PHKA2: variants seen among roughly 807,000 people sequenced by gnomAD.
PHKA2 encodes phosphorylase b kinase regulatory subunit alpha, liver isoform.
PHKA2 carries 31 observed loss-of-function variants against 102.0 expected under a neutral mutation model. The ratio of observed to expected loss-of-function variants is 0.30; its 90% CI spans 0.23 to 0.41. The LOEUF (loss-of-function observed/expected upper bound fraction) is 0.41. Among genes scored for constraint, PHKA2 ranks in the 10% least tolerant of loss-of-function variants. The pLI, the probability that PHKA2 is intolerant of heterozygous loss-of-function variation, is 1.00. For synonymous variants in PHKA2, 455 were observed against 416.2 expected, an observed-to-expected ratio of 1.09 and a Z score of -1.13; for missense variants, 858 against 1,023.1, an observed-to-expected ratio of 0.84 and a Z score of 2.20.
rs2048317673 is a variant in PHKA2, at chrX:18,931,703, T to C, written c.1183A>G (p.Met395Val). 1.7e-6 allele frequency: 2 copies of C among 1,204,317 alleles called. No homozygotes were observed. The highest frequency in any genetic ancestry group is 2.2e-5 in the Admixed American group (1 of 46,021). ...KNPHTVDRVP[M>V]GKVPHLWGQS... ...CCCCACAGATGAGGCACCTTCCCCA[T>C]AGGAACTCGGTCTACTGTGTGAGGA... Residue 395 changes from methionine to valine, a missense_variant, in exon 12 of 33, where the codon ATG (methionine) becomes GTG (valine). By Grantham distance (21) the Met-to-Val change is conservative. Around this residue, in one of 2 missense-constraint regions of PHKA2, gnomAD observed 671 missense variants for 745.2 expected, o/e 0.90. Coordinates refer to ENST00000379942, the MANE Select transcript of PHKA2 (RefSeq NM_000292.3).
Position 18,895,125 on chromosome X carries a change from T to G in PHKA2, c.3336+13A>C, listed in dbSNP as rs1175411904. ...CCACAGAGGGGCCCGCCTCTGCGTT[T>G]TTCTCATCGTACCTCTCGGGTCGTC... On this transcript the variant is annotated intron_variant, in intron 31 of 32. Transcript: ENST00000379942. The G allele has an allele frequency of 8.3e-7, 1 of 1,207,564 alleles. No homozygotes were observed. Among genetic ancestry groups the G allele is most frequent in the Non-Finnish European group, 1.1e-6 (1 of 892,753 alleles).
chrX:18,894,547 G>A lies in PHKA2; in HGVS notation c.3337-143C>T, dbSNP rs375933488. ...GCTGCCCCTTTTCTGGCCACTCCCTGGATCCTGCTGGCAGTGGCCCTCAGA... is the reference window on the plus strand; with the variant it reads ...GCTGCCCCTTTTCTGGCCACTCCCTAGATCCTGCTGGCAGTGGCCCTCAGA... On this transcript the variant is annotated intron_variant, in intron 31 of 32. Coordinates refer to ENST00000379942, the MANE Select transcript of PHKA2 (RefSeq NM_000292.3). 3.4e-5 allele frequency: 18 copies of A among 537,184 alleles called. No homozygotes were observed. In the South Asian group the frequency reaches 3.4e-4, roughly 10 times the overall value. The allele number at this position is 537,184 out of a possible 1,213,427, so 44.3% of individuals were successfully genotyped here.
At chrX:18,919,954 G>T in intron 18 of PHKA2, 78 bp downstream of exon 18, 1 of 783,529 alleles carries the variant, frequency 1.3e-6, no homozygotes, top group Non-Finnish European at 1.9e-6. Flanking sequence ...CTATATTTGA[G>T]TCTTAGGGCA....
chrX:18,897,493 A>G, intron 29 of PHKA2, 160 bp from the exon 30 acceptor site: 1 of 477,363 alleles, frequency 2.1e-6, no homozygotes, highest in Non-Finnish European at 3.5e-6. Flanking sequence ...CTGTTTCCTC[A>G]TGTGAGATGA....
chrX:18,911,045 A>T, intron 19 of PHKA2, 85 bp from the exon 20 acceptor site: 1 of 592,097 alleles, frequency 1.7e-6, no homozygotes, highest in Non-Finnish European at 2.7e-6. Context: ...TCACTCTGTC[A>T]CCCAGGCTGG....
In PHKA2 at chrX:18,905,777, C is replaced by G. The variant is rs781054504; in HGVS notation, c.2889G>C (p.Glu963Asp). 6 of 1,204,117 alleles carry G rather than the reference C, an allele frequency of 5.0e-6. No homozygotes were observed. The highest frequency in any genetic ancestry group is 6.8e-6 in the Non-Finnish European group (6 of 888,258). The part of the protein sequence containing the change: ...NLLHHILSGK[E>D]FGVERSVRPI... ...ACTTACCACTTCTTTCAACGCCAAACTCTTTCCCACTTAGAATATGGTGCA... is the reference window on the plus strand; with the variant it reads ...ACTTACCACTTCTTTCAACGCCAAAGTCTTTCCCACTTAGAATATGGTGCA... Residue 963 changes from glutamate (E) to aspartate (D), a missense_variant, in exon 26 of 33, where the codon GAG becomes GAC. This residue lies in a region of PHKA2 where 671 missense variants were observed against 745.2 expected (regional missense o/e 0.90). Transcript: ENST00000379942.
intron 29 of PHKA2, 176 bp from the exon 30 acceptor site, chrX:18,897,509 A>ATACTT (rs1274887982): frequency 8.6e-6 from 4 of 463,200 alleles, no homozygotes; most frequent in Non-Finnish European, 1.5e-5. Flanking sequence ...GATGACTCGC[A>ATACTT]TACTTTGGGT....
At chrX:18,915,044 GAAT>G (rs1486733094) in intron 19 of PHKA2, among the ~76,000 whole-genome samples, 1 of 112,132 alleles carries the variant, frequency 8.9e-6, no homozygotes, top group East Asian at 2.8e-4. Context: ...AATATTCTTA[GAAT>G]AATAACAAAT....
chrX:18,899,069 C>T (rs1480153919), intron 29 of PHKA2, 104 bp downstream of exon 29: 6 of 715,843 alleles, frequency 8.4e-6, no homozygotes, highest in East Asian at 3.2e-5. Flanking sequence ...GCTGAAAACA[C>T]TTCAGCCCTG....
intron 1 of PHKA2, among the ~76,000 whole-genome samples, chrX:18,958,721 C>G (rs1312383696): frequency 9.2e-6 from 1 of 108,914 alleles, no homozygotes; most frequent in African/African-American, 3.3e-5. Context: ...TGTGTGTGTG[C>G]GTGTGTGTGA....
chrX:18,910,171 G>GT (rs2047899121), intron 20 of PHKA2, among the ~76,000 whole-genome samples: 2 of 112,263 alleles, frequency 1.8e-5, no homozygotes, highest in South Asian at 3.7e-4. Flanking sequence ...ATCTTTTACT[G>GT]TTTTTTCTTA....
chrX:18,954,187 C>T, intron 2 of PHKA2, 67 bp downstream of exon 2: 2 of 1,100,485 alleles, frequency 1.8e-6, no homozygotes, highest in Admixed American at 4.4e-5. Context: ...AGCTACTTCT[C>T]TGTGGGTTTT....
chrX:18,944,789 C>T (rs769252139), intron 6 of PHKA2, among the ~76,000 whole-genome samples: 6 of 112,052 alleles, frequency 5.4e-5, no homozygotes, highest in Admixed American at 9.5e-5. Context: ...GGACATCACA[C>T]GTGCAGCTTC....
chrX:18,980,296 C>T (rs2049152415), intron 1 of PHKA2, among the ~76,000 whole-genome samples: 1 of 112,571 alleles, frequency 8.9e-6, no homozygotes, highest in African/African-American at 3.2e-5. Flanking sequence ...AGCCCAACAC[C>T]CGTGAAGGGT....
intron 20 of PHKA2, 78 bp from the exon 21 acceptor site, chrX:18,909,012 T>A: frequency 8.6e-7 from 1 of 1,164,813 alleles, no homozygotes; most frequent in South Asian, 1.8e-5. Context: ...GAAACACCAA[T>A]CTGGTCTTGG....
chrX:18,983,534 C>T (rs1441097264), intron 1 of PHKA2, among the ~76,000 whole-genome samples: 5 of 112,023 alleles, frequency 4.5e-5, no homozygotes, highest in Admixed American at 9.4e-5. Flanking sequence ...GTCCAAACCC[C>T]CCACACCTCT....
chrX:18,920,487 G>GT (rs1456180375), intron 17 of PHKA2, among the ~76,000 whole-genome samples: 1 of 112,273 alleles, frequency 8.9e-6, no homozygotes, highest in Non-Finnish European at 1.9e-5. Flanking sequence ...CCAACCAACA[G>GT]TTTGACAAAA....
At chrX:18,963,827 C>T (rs1162667119) in intron 1 of PHKA2, among the ~76,000 whole-genome samples, 1 of 111,842 alleles carries the variant, frequency 8.9e-6, no homozygotes, top group African/African-American at 3.3e-5. Context: ...TGAATGTTGT[C>T]ATCTACCCAC....
chrX:18,894,181 A>C, intron 32 of PHKA2, 23 bp downstream of exon 32: 2 of 1,192,297 alleles, frequency 1.7e-6, no homozygotes, highest in Non-Finnish European at 2.3e-6. Context: ...ATGCCAGCCA[A>C]CCCAGCTCCC....
Sources: gnomAD v4.1 joint callset for allele counts (sites outside exome capture counted in the v4.1 genomes callset) on GRCh38, gnomAD v4.1.1 for gene constraint, gnomAD v4.1.1 regional missense constraint, MANE v1.5 for transcripts, NCBI Gene and HGNC (gene_info 2026-07-23, HGNC 2026-07-21) for gene names.